Variants in PSMG2 observed in about 807,000 individuals in gnomAD.
PSMG2 encodes CD40 ligand-activated specific transcript 3.
In PSMG2, 21 loss-of-function variants were observed where a neutral mutation model predicts 31.5. The observed-to-expected ratio is 0.67, with a 90% CI of 0.47 to 0.96. The LOEUF (loss-of-function observed/expected upper bound fraction) is 0.96, where lower values mean the gene tolerates loss of function less well. Ranked by LOEUF, PSMG2 falls within the 40% of genes least tolerant of loss-of-function variation. The pLI, the probability that PSMG2 is intolerant of heterozygous loss-of-function variation, is 0.00. For synonymous variants in PSMG2, 120 were observed against 110.4 expected (o/e 1.09, Z -0.54); for missense variants, 318 against 321.2 (o/e 0.99, Z 0.08).
upstream of PSMG2, among the ~76,000 whole-genome samples, chr18:12,700,611 G>C (rs950084103): frequency 6.6e-6 from 1 of 151,988 alleles, no homozygotes. Context: ...TTAAAAATAC[G>C]CTTAATCTAA....
At chr18:12,667,932 A>C (rs1027061238) in intron 1 of PSMG2, among the ~76,000 whole-genome samples, 3 of 151,302 alleles carry the variant, frequency 2.0e-5, no homozygotes, top group Non-Finnish European at 2.9e-5. Context: ...GGAAAAGTAA[A>C]ATGGCAAACA....
At chr18:12,700,967 ATTAAG>A (rs759087397), upstream of PSMG2, 1 of 1,612,948 alleles carries the variant, frequency 6.2e-7, no homozygotes, top group Admixed American at 1.7e-5. Flanking sequence ...CAGTAACAAA[ATTAAG>A]TTCTTTCATC....
At chr18:12,707,325 C>T (rs1289755147) in intron 2 of PSMG2, among the ~76,000 whole-genome samples, 2 of 152,010 alleles carry the variant, frequency 1.3e-5, no homozygotes, top group South Asian at 2.1e-4. Context: ...TTCCTTCTAT[C>T]CTCAGTTTTA....
intron 1 of PSMG2, among the ~76,000 whole-genome samples, chr18:12,665,823 G>A (rs867115751): frequency 2.0e-5 from 3 of 151,942 alleles, no homozygotes; most frequent in Non-Finnish European, 4.4e-5. Context: ...TCAGCCTCCC[G>A]AGTAGCTGCG....
Position 12,724,578 on chromosome 18 carries a change from G to A in PSMG2, c.661G>A (p.Val221Ile), listed in dbSNP as rs932181990. 1.9e-6 allele frequency: 3 copies of A among 1,611,282 alleles called. No individual in the cohort carries two copies. The highest frequency in any genetic ancestry group is 2.2e-5 in the East Asian group (1 of 44,730). Residue 221 changes from valine to isoleucine, a missense_variant, in exon 6 of 7, where the codon GTT becomes ATT. By Grantham distance (29) the Val-to-Ile change is conservative. Transcript: ENST00000317615. ...GDNIPDALGL[V>I]EYLNEWLQIL... ...CAACATCCCAGATGCATTAGGTCTT[G>A]TTGAGTATCTTAATGAGTGGCTTCA...
chr18:12,718,166 G>A (rs1568044318), intron 3 of PSMG2, among the ~76,000 whole-genome samples: 1 of 151,868 alleles, frequency 6.6e-6, no homozygotes, highest in African/African-American at 2.4e-5. Context: ...CTGCCACCAT[G>A]CCCCGCTGAT....
chr18:12,725,057 G>A (rs929160984), intron 6 of PSMG2, among the ~76,000 whole-genome samples: 3 of 152,170 alleles, frequency 2.0e-5, no homozygotes, highest in Admixed American at 2.0e-4. Context: ...AAGTGAGTTA[G>A]CCTTTAGGCA....
At chr18:12,698,773 A>T, upstream of PSMG2, 1 of 562,476 alleles carries the variant, frequency 1.8e-6, no homozygotes, top group Non-Finnish European at 3.2e-6. Context: ...GAAAACAGTC[A>T]AAAAATAATA....
chr18:12,676,957 T>C (rs1384353208), intron 1 of PSMG2, among the ~76,000 whole-genome samples: 1 of 152,114 alleles, frequency 6.6e-6, no homozygotes, highest in South Asian at 2.1e-4. Context: ...ATCAGAAATA[T>C]TTTGTAGGCA....
chr18:12,683,817 C>T (rs1448770484), intron 1 of PSMG2, among the ~76,000 whole-genome samples: 1 of 150,900 alleles, frequency 6.6e-6, no homozygotes, highest in Non-Finnish European at 1.5e-5. Context: ...TAGCATAATG[C>T]TTAATTATAA....
rs894001177 is a variant in PSMG2, at chr18:12,712,581, T to C, written c.230-121T>C. ...AACCAGATGTCATATATGTTCCGTA[T>C]TTTAATTATTGAAAACATTTAAATG... is the stretch of plus-strand genomic sequence containing the variant. On this transcript the variant is annotated intron_variant, in intron 2 of 6. Transcript: ENST00000317615. 5 of 705,988 alleles carry C rather than the reference T, an allele frequency of 7.1e-6. No individual in the cohort carries two copies. In the African/African-American group the frequency reaches 9.0e-5, roughly 13 times the overall value. The allele number at this position is 705,988 out of a possible 1,614,324, so 43.7% of individuals were successfully genotyped here. A position where few individuals can be genotyped will look rare whatever the true frequency, so the allele number is the denominator to read the frequency against.
At chr18:12,667,606 CA>C (rs537378044) in intron 1 of PSMG2, among the ~76,000 whole-genome samples, 63 of 149,900 alleles carry the variant, frequency 4.2e-4, no homozygotes, top group African/African-American at 1.5e-3. Flanking sequence ...AGTAAAAATA[CA>C]AAAATTAGCC....
At chr18:12,688,175 G>A (rs2039613925) in intron 1 of PSMG2, among the ~76,000 whole-genome samples, 1 of 146,636 alleles carries the variant, frequency 6.8e-6, no homozygotes, top group Non-Finnish European at 1.5e-5. Flanking sequence ...AGCTTGCAGT[G>A]AGCCGAGATC....
chr18:12,708,955 G>A (rs950774374), intron 2 of PSMG2, among the ~76,000 whole-genome samples: 2 of 151,838 alleles, frequency 1.3e-5, no homozygotes, highest in Non-Finnish European at 2.9e-5. Context: ...CAGATGATCC[G>A]CCTGCCTCGT....
intron 1 of PSMG2, among the ~76,000 whole-genome samples, chr18:12,668,303 G>A (rs981853565): frequency 6.6e-6 from 1 of 151,018 alleles, no homozygotes; most frequent in Non-Finnish European, 1.5e-5. Flanking sequence ...CAAAAAAAGT[G>A]GATGGAGGCT....
chr18:12,659,321 A>G (rs1247296605), intron 1 of PSMG2, among the ~76,000 whole-genome samples: 1 of 152,196 alleles, frequency 6.6e-6, no homozygotes, highest in Non-Finnish European at 1.5e-5. Context: ...TCTTACATAC[A>G]GCTGGGAATG....
chr18:12,674,711 G>C (rs1245343486), intron 1 of PSMG2: 1 of 1,614,006 alleles, frequency 6.2e-7, no homozygotes, highest in South Asian at 1.1e-5. Context: ...GGTGATAAAA[G>C]GTAGGAGAGC....
Position 12,718,545 on chromosome 18 carries a change from T to G in PSMG2, c.317T>G (p.Leu106Arg), listed in dbSNP as rs773374486. 1 of 1,611,480 alleles carries G rather than the reference T, an allele frequency of 6.2e-7. No homozygotes were observed. The highest frequency in any genetic ancestry group is 1.3e-5 in the African/African-American group (1 of 74,814). The change falls in exon 4 of 7, where the codon CTG becomes CGG. Residue 106 changes from leucine to arginine, a missense_variant. Coordinates refer to ENST00000317615, the MANE Select transcript of PSMG2 (RefSeq NM_020232.5). ...AAATCAAAGCCATTCTGTGAAAAAC[T>G]GCTTTCCTGGGTGAAAAGCAGTGGC... ...KYKSKPFCEK[L>R]LSWVKSSGCA...
chr18:12,664,569 G>C (rs1161517937), intron 1 of PSMG2, among the ~76,000 whole-genome samples: 1 of 152,014 alleles, frequency 6.6e-6, no homozygotes, highest in Admixed American at 6.6e-5. Flanking sequence ...AAAATTTGTA[G>C]AGAAGGGGTC....
Sources: gnomAD v4.1 joint callset for allele counts (sites outside exome capture counted in the v4.1 genomes callset) on GRCh38, gnomAD v4.1.1 for gene constraint, MANE v1.5 for transcripts, NCBI Gene and HGNC (gene_info 2026-07-23, HGNC 2026-07-21) for gene names.